Variants in PDZD2 observed in about 807,000 individuals in gnomAD.
PDZD2 encodes the protein PDZ domain-containing protein 2.
Under a neutral mutation model 220.7 loss-of-function variants are expected in PDZD2, and 90 were observed. That is an observed-to-expected ratio of 0.41 (90% CI 0.34 to 0.49). The LOEUF is 0.49. PDZD2 is among the 20% of genes least tolerant of loss of function. PDZD2 has a pLI of 0.28. For synonymous variants in PDZD2, 1,375 were observed against 1,450.5 expected (o/e 0.95, Z 1.18); for missense variants, 3,174 against 3,608.5 (o/e 0.88, Z 3.08).
chr5:31,798,734 C>A (rs1454250121), intron 1 of PDZD2, among the ~76,000 whole-genome samples, 155 bp from the exon 2 acceptor site: 1 of 152,166 alleles, frequency 6.6e-6, no homozygotes, highest in Non-Finnish European at 1.5e-5. Context: ...TGGAGGTAGC[C>A]ACACGGGGGA....
intron 10 of PDZD2, among the ~76,000 whole-genome samples, chr5:32,056,269 A>G (rs1240417025): frequency 1.3e-5 from 2 of 152,216 alleles, no homozygotes; most frequent in Non-Finnish European, 2.9e-5. Context: ...GAAGCCACAT[A>G]ACAAATGCAT....
chr5:32,079,269 C>CAAAAAAAAAAA (rs796887034), intron 19 of PDZD2, among the ~76,000 whole-genome samples: 5 of 82,836 alleles, frequency 6.0e-5, no homozygotes, highest in African/African-American at 2.7e-4. Flanking sequence ...AAAAAAAAAA[C>CAAAAAAAAAAA]AAAAAAAAAA....
At chr5:31,926,987 A>C (rs1744840441) in intron 2 of PDZD2, among the ~76,000 whole-genome samples, 1 of 152,230 alleles carries the variant, frequency 6.6e-6, no homozygotes, top group African/African-American at 2.4e-5. Context: ...TAAATACCGC[A>C]TATTATTCTC....
intron 2 of PDZD2, among the ~76,000 whole-genome samples, chr5:31,845,721 G>A (rs1757547394): frequency 6.6e-6 from 1 of 152,178 alleles, no homozygotes; most frequent in South Asian, 2.1e-4. Flanking sequence ...GAGCTACTTA[G>A]ATAATCTTGT....
intron 2 of PDZD2, among the ~76,000 whole-genome samples, chr5:31,861,757 T>C (rs923417847): frequency 1.3e-5 from 2 of 152,182 alleles, no homozygotes; most frequent in Admixed American, 1.3e-4. Flanking sequence ...GTTTCTTCCG[T>C]CTTCCACCCT....
chr5:31,954,842 A>G (rs559091466), intron 2 of PDZD2, among the ~76,000 whole-genome samples: 1 of 152,210 alleles, frequency 6.6e-6, no homozygotes, highest in African/African-American at 2.4e-5. Context: ...AAGCTGGGGC[A>G]GGAGAATCGC....
chr5:31,863,284 G>A (rs932611022), intron 2 of PDZD2, among the ~76,000 whole-genome samples: 5 of 152,190 alleles, frequency 3.3e-5, no homozygotes, highest in African/African-American at 1.2e-4. Context: ...GCCATTGCCA[G>A]CAGCCGAACT....
chr5:31,756,399 T>C (rs1031390266), intron 1 of PDZD2, among the ~76,000 whole-genome samples: 11 of 152,236 alleles, frequency 7.2e-5, no homozygotes, highest in African/African-American at 2.7e-4. Flanking sequence ...CGTATTCTTA[T>C]TCATTCATAT....
At chr5:31,882,523 C>T (rs1174945121) in intron 2 of PDZD2, among the ~76,000 whole-genome samples, 3 of 152,122 alleles carry the variant, frequency 2.0e-5, no homozygotes, top group African/African-American at 7.2e-5. Context: ...GATTATTATC[C>T]AGACCCTGAG....
At chr5:32,049,760 A>G (rs1738338361) in intron 8 of PDZD2, among the ~76,000 whole-genome samples, 1 of 152,122 alleles carries the variant, frequency 6.6e-6, no homozygotes, top group African/African-American at 2.4e-5. Context: ...TTTTGGGTTG[A>G]ATTCACCCAA....
chr5:31,758,537 C>T (rs954178151), intron 1 of PDZD2, among the ~76,000 whole-genome samples: 1 of 152,222 alleles, frequency 6.6e-6, no homozygotes, highest in Non-Finnish European at 1.5e-5. Context: ...AGGGACATGA[C>T]TGGGCCGATG....
At chr5:31,979,818 G>T (rs1257194588) in intron 2 of PDZD2, among the ~76,000 whole-genome samples, 1 of 152,184 alleles carries the variant, frequency 6.6e-6, no homozygotes, top group African/African-American at 2.4e-5. Context: ...AGTGGGCAGA[G>T]CATAGGCTTT....
intron 1 of PDZD2, among the ~76,000 whole-genome samples, chr5:31,680,938 A>C (rs2069538811): frequency 6.6e-6 from 1 of 152,046 alleles, no homozygotes; most frequent in Admixed American, 6.6e-5. Context: ...CCCCTCGGAC[A>C]ATTGCTGACT....
rs765413230 is a variant in PDZD2, at chr5:31,799,315, C to A, written c.67C>A (p.Leu23Met). 1 of 1,614,126 alleles carries A rather than the reference C, an allele frequency of 6.2e-7. No individual in the cohort carries two copies. The highest frequency in any genetic ancestry group is 8.5e-7 in the Non-Finnish European group (1 of 1,179,972). ...CCTCTACCAGTGGCTGCAGAACAGC[C>A]TGCAGGAAGGTGGGGATGGGCCGGA... Reference protein sequence around the residue: ...PLLYQWLQNSLQEGGDGPEQR... With the variant: ...PLLYQWLQNSMQEGGDGPEQR... The change falls in exon 2 of 25, where the codon CTG (leucine) becomes ATG (methionine). Residue 23 changes from leucine to methionine, a missense_variant. Physicochemically the swap from Leu to Met is conservative, Grantham distance 15. Around this residue, in one of 4 missense-constraint regions of PDZD2, gnomAD observed 632 missense variants for 708.1 expected, o/e 0.89. Transcript: ENST00000438447.
chr5:31,696,699 T>C (rs150435211), intron 1 of PDZD2, among the ~76,000 whole-genome samples: 9 of 152,328 alleles, frequency 5.9e-5, no homozygotes, highest in African/African-American at 1.9e-4. Context: ...TCAAAAAGGA[T>C]ACATTTCCCT....
intron 2 of PDZD2, among the ~76,000 whole-genome samples, chr5:31,910,624 C>T (rs1207790014): frequency 7.1e-6 from 1 of 141,490 alleles, no homozygotes; most frequent in Non-Finnish European, 1.6e-5. Context: ...GACTCCTGAC[C>T]TCGTGATTCA....
At chr5:31,961,564 T>C (rs568375173) in intron 2 of PDZD2, among the ~76,000 whole-genome samples, 1 of 151,916 alleles carries the variant, frequency 6.6e-6, no homozygotes, top group Non-Finnish European at 1.5e-5. Flanking sequence ...GCTTCATTCA[T>C]TGATCCTATT....
chr5:31,858,753 C>G (rs1758677182), intron 2 of PDZD2, among the ~76,000 whole-genome samples: 1 of 148,006 alleles, frequency 6.8e-6, no homozygotes, highest in Admixed American at 6.7e-5. Context: ...GAGTCTCCCT[C>G]TGTTGCCCAG....
chr5:31,772,917 C>T (rs558488127), intron 1 of PDZD2, among the ~76,000 whole-genome samples: 5 of 152,292 alleles, frequency 3.3e-5, no homozygotes, highest in South Asian at 4.1e-4. Context: ...TATAGACACA[C>T]GTGTTGCTCA....
Sources: allele counts gnomAD v4.1 joint callset (sites outside exome capture counted in the v4.1 genomes callset), GRCh38; gene constraint gnomAD v4.1.1; regional missense constraint gnomAD v4.1.1; transcripts MANE v1.5; gene names NCBI Gene and HGNC (gene_info 2026-07-23, HGNC 2026-07-21).